Variants in GPC6 observed in about 807,000 individuals in gnomAD.
The protein encoded by GPC6 is glypican-6.
Under a neutral mutation model 55.2 loss-of-function variants are expected in GPC6, and 14 were observed. That is an observed-to-expected ratio of 0.25 (90% CI 0.17 to 0.40). GPC6 has a LOEUF of 0.40. Ranked by LOEUF, GPC6 falls within the 10% of genes least tolerant of loss-of-function variation. GPC6 has a pLI of 1.00. For synonymous variants in GPC6, 278 were observed against 259.6 expected (o/e 1.07, Z -0.68); for missense variants, 641 against 708.5 (o/e 0.90, Z 1.08).
chr13:93,628,719 A>G (rs1206352350), intron 2 of GPC6, among the ~76,000 whole-genome samples: 1 of 152,214 alleles, frequency 6.6e-6, no homozygotes, highest in African/African-American at 2.4e-5. Context: ...CATGATGAAG[A>G]AGTGTCGGAT....
intron 2 of GPC6, among the ~76,000 whole-genome samples, chr13:93,653,516 CTTTATT>C (rs1408284141): frequency 6.6e-6 from 1 of 151,500 alleles, no homozygotes; most frequent in Non-Finnish European, 1.5e-5. Context: ...GTGTCAAACA[CTTTATT>C]TGAATTTAAA....
chr13:93,504,017 T>G (rs1330827963), intron 1 of GPC6, among the ~76,000 whole-genome samples: 1 of 152,176 alleles, frequency 6.6e-6, no homozygotes, highest in Non-Finnish European at 1.5e-5. Context: ...TTTTTGATTG[T>G]TTTTTGATTA....
upstream of GPC6, chr13:93,226,800 C>A (rs376494487): frequency 4.6e-5 from 7 of 151,390 alleles, no homozygotes; most frequent in East Asian, 1.2e-3. Flanking sequence ...GTTTCTTTCT[C>A]CCCCCTCCTT....
intron 3 of GPC6, among the ~76,000 whole-genome samples, chr13:93,848,132 T>C (rs1273237312): frequency 1.3e-5 from 2 of 152,048 alleles, no homozygotes; most frequent in African/African-American, 4.8e-5. Context: ...CACTTCTGAG[T>C]CAAAAATCTT....
chr13:93,294,214 C>T (rs748082841), intron 1 of GPC6, among the ~76,000 whole-genome samples: 1 of 152,038 alleles, frequency 6.6e-6, no homozygotes, highest in Non-Finnish European at 1.5e-5. Flanking sequence ...ATTATATATA[C>T]AATTTAGTTT....
chr13:93,425,063 A>G (rs946420487), intron 1 of GPC6, among the ~76,000 whole-genome samples: 1 of 152,230 alleles, frequency 6.6e-6, no homozygotes, highest in African/African-American at 2.4e-5. Context: ...TGAAATACTT[A>G]CTTTGGGTGC....
intron 2 of GPC6, among the ~76,000 whole-genome samples, chr13:93,664,497 A>G (rs1469549445): frequency 6.6e-6 from 1 of 152,250 alleles, no homozygotes; most frequent in Non-Finnish European, 1.5e-5. Context: ...TTAGAAAAAC[A>G]TACCATTTGA....
chr13:94,288,520 C>T (rs2139087333), intron 5 of GPC6, among the ~76,000 whole-genome samples: 1 of 151,728 alleles, frequency 6.6e-6, no homozygotes, highest in African/African-American at 2.4e-5. Context: ...TATCTGGCCC[C>T]TGCCTACCTT....
intron 2 of GPC6, among the ~76,000 whole-genome samples, chr13:93,654,923 G>A (rs1189310223): frequency 6.8e-6 from 1 of 147,674 alleles, no homozygotes; most frequent in Admixed American, 6.8e-5. Flanking sequence ...TGCAAGCTCC[G>A]CCTCCCGGGT....
At chr13:94,046,882 G>C (rs902576742) in intron 4 of GPC6, among the ~76,000 whole-genome samples, 2 of 152,132 alleles carry the variant, frequency 1.3e-5, no homozygotes, top group Non-Finnish European at 2.9e-5. Context: ...GAAGTAGTGT[G>C]TGTAAAATGT....
intron 3 of GPC6, among the ~76,000 whole-genome samples, chr13:93,849,664 G>C (rs548874073): frequency 1.3e-5 from 2 of 152,138 alleles, no homozygotes; most frequent in South Asian, 2.1e-4. Context: ...CTTTCCCTCA[G>C]ATTTTCCCTT....
chr13:93,744,526 G>GTTTTTTT (rs1884319614), intron 2 of GPC6, among the ~76,000 whole-genome samples: 4 of 36,760 alleles, frequency 1.1e-4, no homozygotes, highest in Admixed American at 4.2e-4. Flanking sequence ...GCTTTCCCTA[G>GTTTTTTT]TCTTTTTTTT....
At chr13:93,629,477 G>T (rs1262025982) in intron 2 of GPC6, among the ~76,000 whole-genome samples, 1 of 152,094 alleles carries the variant, frequency 6.6e-6, no homozygotes, top group Non-Finnish European at 1.5e-5. Flanking sequence ...ATAATTTTCA[G>T]TGAGATCTAT....
At chr13:93,872,034 G>A (rs1047072284) in intron 3 of GPC6, among the ~76,000 whole-genome samples, 3 of 151,938 alleles carry the variant, frequency 2.0e-5, no homozygotes, top group African/African-American at 7.2e-5. Context: ...ATGAATTCAT[G>A]TATTCAAATT....
chr13:93,837,163 C>T (rs984940584), intron 3 of GPC6, among the ~76,000 whole-genome samples: 2 of 152,072 alleles, frequency 1.3e-5, no homozygotes, highest in African/African-American at 4.8e-5. Flanking sequence ...TAATCTTGTT[C>T]TTTTGTAGCT....
At chr13:93,836,262 C>A (rs1184931730) in intron 3 of GPC6, 7 of 152,146 alleles carry the variant, frequency 4.6e-5, no homozygotes, top group Admixed American at 4.6e-4. Flanking sequence ...TTAAAGTATT[C>A]TCTGATCACA....
intron 4 of GPC6, among the ~76,000 whole-genome samples, chr13:94,204,677 T>G (rs1362983170): frequency 1.3e-5 from 2 of 152,176 alleles, no homozygotes; most frequent in African/African-American, 4.8e-5. Flanking sequence ...CTCAGACAAA[T>G]GTGAAATTCA....
intron 1 of GPC6, among the ~76,000 whole-genome samples, chr13:93,340,118 C>T (rs1466404198): frequency 7.2e-6 from 1 of 139,858 alleles, no homozygotes; most frequent in African/African-American, 2.6e-5. Flanking sequence ...TCACTGCAAG[C>T]TCCGCTGCCA....
At chr13:93,993,518 A>G (rs1348627199) in intron 3 of GPC6, among the ~76,000 whole-genome samples, 1 of 151,144 alleles carries the variant, frequency 6.6e-6, no homozygotes, top group Non-Finnish European at 1.5e-5. Context: ...CTGGTGCCAA[A>G]CTCCTGACCT....
Sources: gnomAD v4.1 joint callset for allele counts (sites outside exome capture counted in the v4.1 genomes callset) on GRCh38, gnomAD v4.1.1 for gene constraint, MANE v1.5 for transcripts, NCBI Gene and HGNC (gene_info 2026-07-23, HGNC 2026-07-21) for gene names.